CBLB: variants seen among roughly 807,000 people sequenced by gnomAD.
CBLB encodes the protein Cbl proto-oncogene B.
In CBLB, 31 loss-of-function variants were observed where a neutral mutation model predicts 104.9. The observed-to-expected ratio is 0.30, with a 90% confidence interval of 0.22 to 0.40. The LOEUF is 0.40. CBLB is among the 10% of genes least tolerant of loss of function. The probability of loss-of-function intolerance (pLI) is 1.00; values close to 1 mark genes in which losing one functional copy is unlikely to be tolerated. For synonymous variants in CBLB, 440 were observed against 422.6 expected, an observed-to-expected ratio of 1.04 and a Z score of -0.51; for missense variants, 1,062 against 1,214.6, an observed-to-expected ratio of 0.87 and a Z score of 1.87.
intron 3 of CBLB, among the ~76,000 whole-genome samples, chr3:105,801,333 T>C (rs1395961768): frequency 6.6e-6 from 1 of 152,174 alleles, no homozygotes; most frequent in Non-Finnish European, 1.5e-5. Flanking sequence ...ATAAAAGTGG[T>C]AAAAGATAGT....
intron 3 of CBLB, among the ~76,000 whole-genome samples, chr3:105,843,835 T>C (rs745874951): frequency 2.6e-5 from 4 of 152,192 alleles, no homozygotes; most frequent in Non-Finnish European, 5.9e-5. Context: ...CTCCATGACA[T>C]GTTCTAATGG....
At chr3:105,710,871 G>A (rs1394721557) in intron 10 of CBLB, among the ~76,000 whole-genome samples, 2 of 151,872 alleles carry the variant, frequency 1.3e-5, no homozygotes, top group Non-Finnish European at 2.9e-5. Context: ...GAGGAACAGA[G>A]AAATCCACAT....
chr3:105,768,698 A>T lies in CBLB; in HGVS notation c.566+7698T>A, dbSNP rs2078500967. Reference sequence around the variant, plus strand: ...AGACTCTTGCAATCAAGCAAGAAAGACCTACATAGTAAACACATTTTACAA... The same window carrying T: ...AGACTCTTGCAATCAAGCAAGAAAGTCCTACATAGTAAACACATTTTACAA... On this transcript the variant is annotated intron_variant, in intron 4 of 18. Transcript: ENST00000394030. 2.6e-5 allele frequency among the ~76,000 whole-genome samples: 4 copies of T among 152,208 alleles called. No homozygotes were observed. The South Asian group carries it at 6.2e-4, about 24-fold the overall frequency.
At chr3:105,756,822 C>G (rs1277633827) in intron 4 of CBLB, among the ~76,000 whole-genome samples, 1 of 152,148 alleles carries the variant, frequency 6.6e-6, no homozygotes, top group African/African-American at 2.4e-5. Flanking sequence ...TCCCCCCAAA[C>G]CTCATATTGA....
At chr3:105,755,016 C>CTTTTTTTTTTTTT (rs67405809) in intron 4 of CBLB, among the ~76,000 whole-genome samples, 4 of 143,822 alleles carry the variant, frequency 2.8e-5, no homozygotes, top group African/African-American at 2.6e-5. Flanking sequence ...AGTATCTTTT[C>CTTTTTTTTTTTTT]TTTTTTTTTT....
intron 9 of CBLB, among the ~76,000 whole-genome samples, chr3:105,723,671 A>T (rs1331478196): frequency 6.6e-6 from 1 of 152,100 alleles, no homozygotes; most frequent in Non-Finnish European, 1.5e-5. Context: ...GTAAAAACCC[A>T]AATGAATATT....
chr3:105,740,281 A>C (rs1206910817), intron 7 of CBLB, among the ~76,000 whole-genome samples: 1 of 152,214 alleles, frequency 6.6e-6, no homozygotes, highest in Admixed American at 6.5e-5. Context: ...TGTAATTTGA[A>C]GTTGAAATGT....
chr3:105,785,715 T>G (rs1333596213), intron 3 of CBLB, among the ~76,000 whole-genome samples: 1 of 152,182 alleles, frequency 6.6e-6, no homozygotes, highest in Non-Finnish European at 1.5e-5. Flanking sequence ...GTCATCTCTC[T>G]GGTGCTTATG....
chr3:105,679,620 C>CA (rs1485366242), intron 16 of CBLB, among the ~76,000 whole-genome samples: 1 of 151,786 alleles, frequency 6.6e-6, no homozygotes, highest in African/African-American at 2.4e-5. Context: ...TGCTAAAATA[C>CA]AAAAAATTAG....
At chr3:105,680,177 AG>A (rs1419986512) in intron 16 of CBLB, among the ~76,000 whole-genome samples, 3 of 152,246 alleles carry the variant, frequency 2.0e-5, no homozygotes, top group Admixed American at 1.3e-4. Context: ...GTTGAAGAAC[AG>A]GAAGTCCTGG....
rs538549019 is a variant in CBLB, at chr3:105,655,681, T to C, written c.*3289A>G. 10 of 198,672 alleles carry C rather than the reference T, an allele frequency of 5.0e-5. No individual in the cohort carries two copies. In the South Asian group the frequency reaches 1.3e-3, roughly 27 times the overall value. The allele number at this position is 198,672 out of a possible 1,614,324, so 12.3% of individuals were successfully genotyped here. A position where few individuals can be genotyped will look rare whatever the true frequency, so the allele number is the denominator to read the frequency against. On this transcript the variant is annotated 3_prime_UTR_variant, in exon 19 of 19. Transcript: ENST00000394030. ...CTATTGGTGTCTTTGTCTGGAAAAC[T>C]TTCCCAGAATCACTAAAATTCCAGG...
intron 10 of CBLB, among the ~76,000 whole-genome samples, chr3:105,712,140 G>C (rs2071205713): frequency 6.6e-6 from 1 of 152,116 alleles, no homozygotes; most frequent in South Asian, 2.1e-4. Flanking sequence ...AGAGGGACTT[G>C]ATCTCCTGGC....
At chr3:105,735,890 G>T (rs2074880978) in intron 8 of CBLB, among the ~76,000 whole-genome samples, 3 of 152,140 alleles carry the variant, frequency 2.0e-5, no homozygotes, top group African/African-American at 4.8e-5. Flanking sequence ...AGGTTGTAGT[G>T]AGCCGAGATC....
intron 3 of CBLB, among the ~76,000 whole-genome samples, chr3:105,827,484 CA>C (rs1443058196): frequency 6.7e-6 from 1 of 148,954 alleles, no homozygotes; most frequent in African/African-American, 2.5e-5. Flanking sequence ...TGAATTTTAC[CA>C]GTGTGTATGT....
intron 2 of CBLB, 44 bp from the exon 3 acceptor site, chr3:105,853,708 T>C (rs368705619): frequency 4.0e-4 from 559 of 1,389,032 alleles, no homozygotes; most frequent in Non-Finnish European, 5.3e-4. Flanking sequence ...ATATTTTATT[T>C]CACAGAAAAA....
chr3:105,730,899 T>C (rs2074247931), intron 9 of CBLB, among the ~76,000 whole-genome samples: 1 of 152,168 alleles, frequency 6.6e-6, no homozygotes, highest in Admixed American at 6.5e-5. Context: ...ACTTTTAAAA[T>C]TTTAGCTAAA....
At chr3:105,781,563 G>A (rs1447163056) in intron 3 of CBLB, among the ~76,000 whole-genome samples, 1 of 150,200 alleles carries the variant, frequency 6.7e-6, no homozygotes, top group Non-Finnish European at 1.5e-5. Context: ...ATAAATAAAA[G>A]AAATAGAAAA....
At chr3:105,801,260 C>A (rs1233692934) in intron 3 of CBLB, among the ~76,000 whole-genome samples, 1 of 152,044 alleles carries the variant, frequency 6.6e-6, no homozygotes, top group Non-Finnish European at 1.5e-5. Context: ...ACTTTAATAG[C>A]TTATAAAACC....
chr3:105,692,885 G>T (rs1050942360), intron 13 of CBLB, among the ~76,000 whole-genome samples: 7 of 148,904 alleles, frequency 4.7e-5, no homozygotes, highest in African/African-American at 1.7e-4. Context: ...TATCTAGTGT[G>T]CCTCTGGGGC....
Sources: gnomAD v4.1 joint callset for allele counts (sites outside exome capture counted in the v4.1 genomes callset) on GRCh38, gnomAD v4.1.1 for gene constraint, MANE v1.5 for transcripts, NCBI Gene and HGNC (gene_info 2026-07-23, HGNC 2026-07-21) for gene names.